Variants in ZBTB20 observed in about 807,000 individuals in gnomAD.
The protein encoded by ZBTB20 is zinc finger and BTB domain-containing protein 20.
In ZBTB20, 9 loss-of-function variants were observed where a neutral mutation model predicts 56.9. That is an observed-to-expected ratio of 0.16 (90% confidence interval 0.10 to 0.28). The LOEUF (loss-of-function observed/expected upper bound fraction) is 0.28, where lower values mean the gene tolerates loss of function less well. ZBTB20 is among the 10% of genes least tolerant of loss of function. The probability of loss-of-function intolerance (pLI) is 1.00; values close to 1 mark genes in which losing one functional copy is unlikely to be tolerated. For synonymous variants in ZBTB20, 417 were observed against 420.7 expected, an observed-to-expected ratio of 0.99 and a Z score of 0.11; for missense variants, 655 against 1,003.0, an observed-to-expected ratio of 0.65 and a Z score of 4.69.
intron 2 of ZBTB20, among the ~76,000 whole-genome samples, chr3:115,024,213 G>C (rs2080320464): frequency 6.6e-6 from 1 of 150,934 alleles, no homozygotes; most frequent in Non-Finnish European, 1.5e-5. Flanking sequence ...CTAGATTCCA[G>C]TTTTTCCTTT....
intron 4 of ZBTB20, among the ~76,000 whole-genome samples, chr3:114,856,362 C>T (rs952837119): frequency 6.6e-6 from 1 of 151,990 alleles, no homozygotes; most frequent in African/African-American, 2.4e-5. Flanking sequence ...AACAGATGTT[C>T]CCAAGAGGCA....
chr3:114,667,290 A>T (rs990568905), intron 6 of ZBTB20, among the ~76,000 whole-genome samples: 1 of 152,064 alleles, frequency 6.6e-6, no homozygotes. Flanking sequence ...ACTTTTAAAA[A>T]ATATGCCTAC....
intron 1 of ZBTB20, among the ~76,000 whole-genome samples, chr3:115,085,685 C>T (rs1388630537): frequency 1.3e-5 from 2 of 151,880 alleles, no homozygotes; most frequent in African/African-American, 2.4e-5. Flanking sequence ...AAAGAGAATT[C>T]ATTTTAAGCT....
intron 7 of ZBTB20, among the ~76,000 whole-genome samples, chr3:114,433,263 G>T (rs2090254437): frequency 2.0e-5 from 3 of 152,154 alleles, no homozygotes; most frequent in Non-Finnish European, 4.4e-5. Flanking sequence ...GGATATCTGT[G>T]CTGTAGGAAT....
chr3:114,532,226 A>T (rs926681620), intron 6 of ZBTB20, among the ~76,000 whole-genome samples: 4 of 152,194 alleles, frequency 2.6e-5, no homozygotes, highest in Non-Finnish European at 4.4e-5. Flanking sequence ...CAAGCAAGCT[A>T]AGATCCACTG....
chr3:114,359,303 G>C (rs1480061331), intron 10 of ZBTB20: 1 of 152,078 alleles, frequency 6.6e-6, no homozygotes, highest in Non-Finnish European at 1.5e-5. Context: ...TTTATACTTT[G>C]AGCATCTGAT....
At position 114,916,699 on chromosome 3, in the gene ZBTB20, C is replaced by T. The variant is rs1162924753; in HGVS notation, c.-455-16357G>A. Among the ~76,000 whole-genome samples the T allele has an allele frequency of 1.3e-5, 2 of 152,128 alleles. 1 individual carries two copies. Among genetic ancestry groups the T allele is most frequent in the South Asian group, 4.1e-4 (2 of 4,830 alleles). ...AGGGTAAGAGTTTATTCCTTCAGCA[C>T]TTTAAATATGTCATGCTACTTTTTC... is the stretch of plus-strand genomic sequence containing the variant. On this transcript the variant is annotated intron_variant, in intron 3 of 11. Transcript: ENST00000675478.
At chr3:115,122,123 G>A (rs1024320280) in intron 1 of ZBTB20, among the ~76,000 whole-genome samples, 6 of 151,956 alleles carry the variant, frequency 3.9e-5, no homozygotes, top group East Asian at 1.9e-4. Context: ...CAAGCATATC[G>A]AAATTATCTT....
At chr3:114,723,510 G>C (rs1374888265) in intron 5 of ZBTB20, among the ~76,000 whole-genome samples, 1 of 152,142 alleles carries the variant, frequency 6.6e-6, no homozygotes. Flanking sequence ...TCTTTAACAA[G>C]TATGAGTTGG....
At chr3:114,468,327 A>G (rs1256431073) in intron 7 of ZBTB20, among the ~76,000 whole-genome samples, 2 of 152,206 alleles carry the variant, frequency 1.3e-5, no homozygotes, top group Non-Finnish European at 2.9e-5. Flanking sequence ...TGTTCAAACC[A>G]TTAGGTCAAA....
At chr3:115,069,301 T>C (rs2082319751) in intron 2 of ZBTB20, among the ~76,000 whole-genome samples, 1 of 152,156 alleles carries the variant, frequency 6.6e-6, no homozygotes, top group African/African-American at 2.4e-5. Flanking sequence ...CTTTTGTTTC[T>C]TTTTCCTTTG....
intron 7 of ZBTB20, among the ~76,000 whole-genome samples, chr3:114,442,464 C>T (rs954138705): frequency 1.3e-5 from 2 of 152,058 alleles, no homozygotes; most frequent in Non-Finnish European, 2.9e-5. Flanking sequence ...CAGCCACCCA[C>T]CAGGAACACC....
chr3:114,919,880 G>A, intron 3 of ZBTB20, among the ~76,000 whole-genome samples: 1 of 152,066 alleles, frequency 6.6e-6, no homozygotes, highest in Non-Finnish European at 1.5e-5. Context: ...GCCTATAAGA[G>A]GCTCACTTTA....
intron 2 of ZBTB20, among the ~76,000 whole-genome samples, chr3:115,016,904 T>G (rs1237331687): frequency 1.3e-5 from 2 of 151,666 alleles, no homozygotes; most frequent in Non-Finnish European, 2.9e-5. Flanking sequence ...GAGCCATATA[T>G]GACAAACCCA....
chr3:114,611,498 C>T (rs1464968356), intron 6 of ZBTB20, among the ~76,000 whole-genome samples: 1 of 152,144 alleles, frequency 6.6e-6, no homozygotes, highest in Non-Finnish European at 1.5e-5. Context: ...TTCAGTGAGC[C>T]TGAGGGCTCA....
chr3:114,813,023 G>A (rs1235004238), intron 4 of ZBTB20, among the ~76,000 whole-genome samples: 1 of 152,194 alleles, frequency 6.6e-6, no homozygotes, highest in South Asian at 2.1e-4. Flanking sequence ...CCCGGTTCCC[G>A]CCCGCACCTC....
intron 1 of ZBTB20, among the ~76,000 whole-genome samples, chr3:115,125,296 T>TAGCC (rs2084296286): frequency 6.6e-6 from 1 of 151,742 alleles, no homozygotes; most frequent in Non-Finnish European, 1.5e-5. Context: ...TGAACCATGA[T>TAGCC]TGTGTCACTG....
intron 6 of ZBTB20, among the ~76,000 whole-genome samples, 182 bp from the exon 7 acceptor site, chr3:114,500,573 C>T (rs2043829974): frequency 6.6e-6 from 1 of 152,184 alleles, no homozygotes; most frequent in Non-Finnish European, 1.5e-5. Context: ...GACCCAGCTT[C>T]ATAAAAACTT....
rs530466153 is a variant in ZBTB20 at position 115,101,263 on chromosome 3, GA to G, written c.-702-29850del. On this transcript the variant is annotated intron_variant, in intron 1 of 11. Coordinates refer to ENST00000675478, the MANE Select transcript of ZBTB20 (RefSeq NM_001348800.3). ...TTACCCTTAATCTTTTATTAGGAGG[GA>G]AAAATAAAAATAATCAATGCTTCTA... Among the ~76,000 whole-genome samples, 417 of 152,104 alleles carry G rather than the reference GA, an allele frequency of 2.7e-3. 1 individual carries two copies. Among genetic ancestry groups the G allele is most frequent in the African/African-American group, 9.3e-3 (386 of 41,494 alleles).
Sources: gnomAD v4.1 joint callset for allele counts (sites outside exome capture counted in the v4.1 genomes callset) on GRCh38, gnomAD v4.1.1 for gene constraint, MANE v1.5 for transcripts, NCBI Gene and HGNC (gene_info 2026-07-23, HGNC 2026-07-21) for gene names.